Variants in ME2 observed in about 807,000 individuals in gnomAD.
ME2 encodes the protein malic enzyme 2, also known as NAD-dependent malic enzyme, mitochondrial.
A neutral mutation model predicts 73.7 loss-of-function variants in ME2; 60 were observed. That is an observed-to-expected ratio of 0.81 (90% CI 0.66 to 1.01). The LOEUF is 1.01. Among genes scored for constraint, ME2 ranks in the 50% least tolerant of loss-of-function variants. ME2 has a pLI of 0.00. For missense variants in ME2, 594 were observed against 705.5 expected (o/e 0.84, Z 1.79); for synonymous variants, 199 against 236.9 (o/e 0.84, Z 1.47).
At chr18:50,897,756 A>T (rs1469633904) in intron 2 of ME2, among the ~76,000 whole-genome samples, 1 of 152,108 alleles carries the variant, frequency 6.6e-6, no homozygotes, top group East Asian at 1.9e-4. Context: ...GCTACTTGGG[A>T]GGCTGAGGCA....
rs116193976 is a variant in ME2 at position 50,910,121 on chromosome 18, C to T, written c.242+1925C>T. ...GAGAGTGAGAAATGCTTGGAAGAGC[C>T]ATGTGGCTATAAGATAAAGCTGAAC... On this transcript the variant is annotated intron_variant, in intron 3 of 15. Coordinates refer to ENST00000321341, the MANE Select transcript of ME2 (RefSeq NM_002396.5). 3.5e-3 allele frequency among the ~76,000 whole-genome samples: 525 copies of T among 151,728 alleles called. 4 individuals carry two copies. Among genetic ancestry groups the T allele is most frequent in the African/African-American group, 9.6e-3 (399 of 41,388 alleles).
At chr18:50,922,192 C>T (rs747618405) in intron 10 of ME2, among the ~76,000 whole-genome samples, 2 of 152,148 alleles carry the variant, frequency 1.3e-5, no homozygotes, top group African/African-American at 2.4e-5. Flanking sequence ...ATCTTGAGTG[C>T]TCAAACTACA....
chr18:50,939,407 G>T, intron 13 of ME2, 163 bp from the exon 14 acceptor site: 2 of 510,106 alleles, frequency 3.9e-6, no homozygotes, highest in Non-Finnish European at 7.1e-6. Context: ...ATTAAAGATC[G>T]TTTGATTTTA....
At chr18:50,937,440 T>C (rs1917843118) in intron 13 of ME2, among the ~76,000 whole-genome samples, 1 of 152,210 alleles carries the variant, frequency 6.6e-6, no homozygotes, top group Non-Finnish European at 1.5e-5. Context: ...CCCACCCTCA[T>C]GCTCATAGCT....
chr18:50,893,140 A>G (rs1285583623), intron 1 of ME2, among the ~76,000 whole-genome samples: 5 of 151,194 alleles, frequency 3.3e-5, no homozygotes, highest in Non-Finnish European at 7.4e-5. Context: ...AAAAAAAAAA[A>G]AAAAAAAAAA....
At chr18:50,890,037 A>C (rs1916568008) in intron 1 of ME2, among the ~76,000 whole-genome samples, 1 of 152,162 alleles carries the variant, frequency 6.6e-6, no homozygotes, top group Non-Finnish European at 1.5e-5. Flanking sequence ...CATTTAGCTG[A>C]AGTGATTTCA....
chr18:50,882,061 C>T (rs1235816569), intron 1 of ME2, among the ~76,000 whole-genome samples: 1 of 152,116 alleles, frequency 6.6e-6, no homozygotes, highest in Non-Finnish European at 1.5e-5. Context: ...TGCAGTGGTG[C>T]TGTTATGGTT....
intron 6 of ME2, among the ~76,000 whole-genome samples, chr18:50,917,787 C>T (rs1917319125): frequency 6.6e-6 from 1 of 152,030 alleles, no homozygotes; most frequent in South Asian, 2.1e-4. Context: ...GCCTGGCCAA[C>T]ATGGTGAAAC....
At chr18:50,888,110 G>A (rs1916518753) in intron 1 of ME2, among the ~76,000 whole-genome samples, 1 of 152,140 alleles carries the variant, frequency 6.6e-6, no homozygotes. Flanking sequence ...GGGAGGTTGA[G>A]GCTGGCAGAT....
chr18:50,946,416 C>T (rs1226035844), intron 15 of ME2, among the ~76,000 whole-genome samples: 1 of 152,182 alleles, frequency 6.6e-6, no homozygotes, highest in Non-Finnish European at 1.5e-5. Flanking sequence ...ACTTAAACTC[C>T]TCTCATTCCT....
chr18:50,925,773 C>T lies in ME2; in HGVS notation c.1189C>T (p.Arg397Cys), dbSNP rs1178843901. 21 of 1,613,550 alleles carry T rather than the reference C, an allele frequency of 1.3e-5. No homozygotes were observed. Among genetic ancestry groups the T allele is most frequent in the Middle Eastern group, 1.7e-4 (1 of 6,060 alleles). ...STIIGVAGAG[R>C]LFTPDVIRAM... ...TATTACAGGAGTTGCAGGTGCTGGC[C>T]GTCTTTTCACTCCTGATGTAATCAG... The change falls in exon 12 of 16, where the codon CGT (arginine) becomes TGT (cysteine). Residue 397 changes from arginine (R) to cysteine (C), a missense_variant. By Grantham distance (180) the Arg-to-Cys change is radical. Coordinates refer to ENST00000321341, the MANE Select transcript of ME2 (RefSeq NM_002396.5).
In ME2 at chr18:50,952,924, C is replaced by CAGAG. The variant is rs1384488430; in HGVS notation, c.*5742_*5745dup. On this transcript the variant is annotated 3_prime_UTR_variant, in exon 16 of 16. Transcript: ENST00000321341. The stretch of plus-strand genomic sequence containing the variant: ...TCTGTTTCTGTGCCTGATTTACAGA[C>CAGAG]AGAGACAGAGGCACAGAGAGGTTAA... The CAGAG allele has an allele frequency of 6.6e-6, 1 of 152,052 alleles. No homozygotes were observed. The highest frequency in any genetic ancestry group is 1.9e-4 in the East Asian group (1 of 5,184). The allele number at this position is 152,052 out of a possible 1,614,324, so 9.4% of individuals were successfully genotyped here.
chr18:50,942,324 ACTAT>A lies in ME2; in HGVS notation c.1587+1941_1587+1944del. Among the ~76,000 whole-genome samples the A allele has an allele frequency of 2.0e-5, 3 of 152,248 alleles. No homozygotes were observed. In the Middle Eastern group the frequency reaches 0.01, roughly 518 times the overall value. On this transcript the variant is annotated intron_variant, in intron 15 of 15. Coordinates refer to ENST00000321341, the MANE Select transcript of ME2 (RefSeq NM_002396.5). The stretch of plus-strand genomic sequence containing the variant: ...TTTCTATTCCTGACCATTTTTGTTT[ACTAT>A]CTGACACTGTTTTAAATTTTATAAT...
At chr18:50,917,322 T>A (rs755802829) in intron 5 of ME2, 25 bp from the exon 6 acceptor site, 58 of 1,587,328 alleles carry the variant, frequency 3.7e-5, no homozygotes, top group Non-Finnish European at 4.9e-5. Context: ...TGACAACTTT[T>A]AATTTGCATT....
At chr18:50,916,678 A>T (rs965519818) in intron 5 of ME2, 1 of 152,720 alleles carries the variant, frequency 6.5e-6, no homozygotes, top group Non-Finnish European at 1.5e-5. Context: ...AAATATAGCA[A>T]ATATAAGCCC....
intron 4 of ME2, among the ~76,000 whole-genome samples, chr18:50,915,092 T>G (rs1188164167): frequency 2.7e-5 from 3 of 110,060 alleles, no homozygotes; most frequent in Non-Finnish European, 5.2e-5. Context: ...GACCAACCCC[T>G]CCTCCTCCTC....
At chr18:50,897,637 G>T (rs536781716) in intron 2 of ME2, among the ~76,000 whole-genome samples, 1 of 152,186 alleles carries the variant, frequency 6.6e-6, no homozygotes, top group East Asian at 1.9e-4. Context: ...GAGGTGGGCG[G>T]ATCACCTGAG....
At chr18:50,895,401 T>C in intron 1 of ME2, among the ~76,000 whole-genome samples, 1 of 152,234 alleles carries the variant, frequency 6.6e-6, no homozygotes, top group South Asian at 2.1e-4. Context: ...GGATAGTTTT[T>C]CTTCCTCTGT....
At chr18:50,882,397 C>G (rs899744949) in intron 1 of ME2, among the ~76,000 whole-genome samples, 4 of 152,042 alleles carry the variant, frequency 2.6e-5, no homozygotes, top group African/African-American at 9.7e-5. Context: ...TAGTCAAGCT[C>G]TTTATAGTGA....
Sources: allele counts gnomAD v4.1 joint callset (sites outside exome capture counted in the v4.1 genomes callset), GRCh38; gene constraint gnomAD v4.1.1; transcripts MANE v1.5; gene names NCBI Gene and HGNC (gene_info 2026-07-23, HGNC 2026-07-21).